ZNF718: variants seen among roughly 807,000 people sequenced by gnomAD.
The protein encoded by ZNF718 is zinc finger protein 718.
A neutral mutation model predicts 2.6 loss-of-function variants in ZNF718; 3 were observed. The ratio of observed to expected loss-of-function variants is 1.16; its 90% CI spans 0.53 to 3.01. The LOEUF (loss-of-function observed/expected upper bound fraction) is 3.01, where lower values mean the gene tolerates loss of function less well. ZNF718 is among the 30% of genes most tolerant of loss of function. The probability of loss-of-function intolerance (pLI) is 0.03; values close to 1 mark genes in which losing one functional copy is unlikely to be tolerated. For synonymous variants in ZNF718, 135 were observed against 77.9 expected (o/e 1.73, Z -3.86); for missense variants, 468 against 230.0 (o/e 2.03, Z -6.69).
At chr4:169,066 T>G (rs1466415977), downstream of ZNF718, among the ~76,000 whole-genome samples, 5 of 152,232 alleles carry the variant, frequency 3.3e-5, no homozygotes, top group African/African-American at 1.2e-4. Context: ...TTGTTCTCAC[T>G]GGTTTCAAAG....
intron 3 of ZNF718, among the ~76,000 whole-genome samples, chr4:157,016 T>A (rs1481662765): frequency 2.0e-5 from 3 of 152,132 alleles, no homozygotes; most frequent in African/African-American, 7.2e-5. Context: ...TTTCAATTTT[T>A]AGCTTTGTAT....
At chr4:174,721 CATAGT>C (rs1173101887) in intron 3 of ZNF718, among the ~76,000 whole-genome samples, 3 of 152,266 alleles carry the variant, frequency 2.0e-5, no homozygotes, top group Admixed American at 1.3e-4. Flanking sequence ...TGAAGAATCT[CATAGT>C]AGAATAGAAA....
At chr4:177,221 C>T (rs1444087463) in intron 3 of ZNF718, among the ~76,000 whole-genome samples, 1 of 152,170 alleles carries the variant, frequency 6.6e-6, no homozygotes, top group Non-Finnish European at 1.5e-5. Flanking sequence ...CTGGAACTGA[C>T]TCATAAAATA....
intron 3 of ZNF718, among the ~76,000 whole-genome samples, chr4:148,917 A>C (rs1553811984): frequency 6.6e-6 from 1 of 152,192 alleles, no homozygotes; most frequent in African/African-American, 2.4e-5. Flanking sequence ...TTCATATTTC[A>C]TTCGGTAGCT....
downstream of ZNF718, among the ~76,000 whole-genome samples, chr4:168,223 T>C (rs959946252): frequency 3.3e-5 from 5 of 152,174 alleles, no homozygotes; most frequent in African/African-American, 1.2e-4. Flanking sequence ...GTGGATAAGC[T>C]TCTTGATGTG....
chr4:124,746 G>A, intron 1 of ZNF718, 73 bp downstream of exon 1: 2 of 1,587,288 alleles, frequency 1.3e-6, no homozygotes, highest in Non-Finnish European at 1.7e-6. Flanking sequence ...GCGGCGGTGG[G>A]AGGAGTCTGT....
intron 3 of ZNF718, among the ~76,000 whole-genome samples, chr4:149,122 T>C (rs1004011762): frequency 6.6e-6 from 1 of 152,216 alleles, no homozygotes; most frequent in African/African-American, 2.4e-5. Context: ...TCTTGCTATG[T>C]CACTCCCCTT....
intron 3 of ZNF718, among the ~76,000 whole-genome samples, chr4:157,675 T>A (rs56040835): frequency 0.013 from 1,934 of 152,262 alleles, 47 homozygotes; most frequent in African/African-American, 0.044. Context: ...TTCTACTCTC[T>A]TTCCAGTTTG....
chr4:138,711 C>T (rs1469132854), intron 3 of ZNF718, among the ~76,000 whole-genome samples: 1 of 152,054 alleles, frequency 6.6e-6, no homozygotes, highest in Non-Finnish European at 1.5e-5. Flanking sequence ...CTAAACTGGT[C>T]TCCATGGTCA....
At chr4:139,707 AT>A (rs782553586) in intron 3 of ZNF718, among the ~76,000 whole-genome samples, 2 of 152,222 alleles carry the variant, frequency 1.3e-5, no homozygotes, top group Non-Finnish European at 2.9e-5. Flanking sequence ...GGTAACGTAT[AT>A]TTTGGCCAGC....
chr4:148,387 C>A (rs1051123317), intron 3 of ZNF718, among the ~76,000 whole-genome samples: 1 of 151,818 alleles, frequency 6.6e-6, no homozygotes, highest in Non-Finnish European at 1.5e-5. Flanking sequence ...GGTGGGCGGA[C>A]CACCTGAGGT....
chr4:180,951 A>G (rs2108813240), intron 3 of ZNF718, among the ~76,000 whole-genome samples: 1 of 152,258 alleles, frequency 6.6e-6, no homozygotes, highest in South Asian at 2.1e-4. Context: ...TTTGCCATTA[A>G]ATATTTTGTC....
At chr4:136,160 G>A (rs148795670) in intron 3 of ZNF718, among the ~76,000 whole-genome samples, 68 of 152,262 alleles carry the variant, frequency 4.5e-4, no homozygotes, top group African/African-American at 1.6e-3. Context: ...GTAAGGCAGG[G>A]TTTTGAAGTT....
rs537591386 is a variant in ZNF718, at chr4:194,677, G to A, written c.227-6404G>A. ...ACCTTTGTAAAACATCAATATAGCCGTCAGGGTTATCAGAGAATTTACCTA... is the reference window on the plus strand; with the variant it reads ...ACCTTTGTAAAACATCAATATAGCCATCAGGGTTATCAGAGAATTTACCTA... On this transcript the variant is annotated intron_variant and NMD_transcript_variant, in intron 3 of 4. Transcript: ENST00000642529. 4.1e-4 allele frequency among the ~76,000 whole-genome samples: 62 copies of A among 152,232 alleles called. 1 individual carries two copies. In the South Asian group the frequency reaches 7.3e-3, roughly 18 times the overall value.
chr4:167,170 G>A (rs1395643513), downstream of ZNF718, among the ~76,000 whole-genome samples: 3 of 152,080 alleles, frequency 2.0e-5, no homozygotes, highest in Admixed American at 2.0e-4. Flanking sequence ...TAGATATGTG[G>A]CATTATTTTT....
At chr4:152,609 CAGA>C (rs1716377423) in intron 3 of ZNF718, among the ~76,000 whole-genome samples, 1 of 151,874 alleles carries the variant, frequency 6.6e-6, no homozygotes, top group Admixed American at 6.6e-5. Flanking sequence ...AATCTCAAGG[CAGA>C]AGAATTTTTC....
Position 171,063 on chromosome 4 carries a change from CAGT to C in ZNF718, c.227-30017_227-30015del, listed in dbSNP as rs1717214982. 3.3e-5 allele frequency among the ~76,000 whole-genome samples: 5 copies of C among 152,290 alleles called. 1 individual carries two copies. In the South Asian group the frequency reaches 1.0e-3, roughly 32 times the overall value. The stretch of plus-strand genomic sequence containing the variant: ...TTCTGTTTGTTAGTTTTCCTTCTAA[CAGT>C]CAGGACCCGCAGCTTCAGGTCTGTT... On this transcript the variant is annotated intron_variant and NMD_transcript_variant, in intron 3 of 4. Coordinates refer to the ZNF718 transcript ENST00000642529.
At chr4:175,188 A>T (rs782385297) in intron 3 of ZNF718, among the ~76,000 whole-genome samples, 2 of 152,228 alleles carry the variant, frequency 1.3e-5, no homozygotes, top group Non-Finnish European at 2.9e-5. Context: ...CCTAAGTGAC[A>T]CTTGCAACAA....
rs374276747 is a variant in ZNF718, at chr4:148,567, C to A, written c.227-12345C>A. Among the ~76,000 whole-genome samples, 86 of 149,350 alleles carry A rather than the reference C, an allele frequency of 5.8e-4. No individual in the cohort carries two copies. The South Asian group carries it at 0.017, about 30-fold the overall frequency. On this transcript the variant is annotated intron_variant, in intron 3 of 3. Transcript: ENST00000510175. Reference sequence around the variant, plus strand: ...GAGGTTGCAGTGAGCAAATATCACGCCATTGCACTCTGCAGCCAAGGTGAC... The same window carrying A: ...GAGGTTGCAGTGAGCAAATATCACGACATTGCACTCTGCAGCCAAGGTGAC...
Sources: allele counts gnomAD v4.1 joint callset (sites outside exome capture counted in the v4.1 genomes callset), GRCh38; gene constraint gnomAD v4.1.1; transcripts MANE v1.5; gene names NCBI Gene and HGNC (gene_info 2026-07-23, HGNC 2026-07-21).